The following PCDHGA5 variants were observed in gnomAD, a reference collection of about 807,000 sequenced individuals.
PCDHGA5 encodes the protein protocadherin gamma-A5.
In PCDHGA5, 36 loss-of-function variants were observed where a neutral mutation model predicts 56.7. The ratio of observed to expected loss-of-function variants is 0.64; its 90% CI spans 0.49 to 0.84. The LOEUF is 0.84. Among genes scored for constraint, PCDHGA5 ranks in the 40% least tolerant of loss-of-function variants. PCDHGA5 has a pLI of 0.00. For missense variants in PCDHGA5, 1,305 were observed against 1,201.5 expected, an observed-to-expected ratio of 1.09 and a Z score of -1.27; for synonymous variants, 563 against 520.2, an observed-to-expected ratio of 1.08 and a Z score of -1.12.
At position 141,430,917 on chromosome 5, in the gene PCDHGA5, G is replaced by A. The variant is rs2097324810; in HGVS notation, c.2422-63890G>A. ...GTGGGCGACATCTCCAGGGACCTGG[G>A]GCTGGAGCCCCGGGAGCTCGCGGAG... On this transcript the variant is annotated intron_variant, in intron 1 of 3. Coordinates refer to ENST00000518069, the MANE Select transcript of PCDHGA5 (RefSeq NM_018918.3). The A allele has an allele frequency of 1.9e-6, 3 of 1,607,956 alleles. No individual in the cohort carries two copies. The highest frequency in any genetic ancestry group is 2.5e-6 in the Non-Finnish European group (3 of 1,177,520).
At chr5:141,484,912 T>G (rs1594427765) in intron 1 of PCDHGA5, 1 of 437,066 alleles carries the variant, frequency 2.3e-6, no homozygotes, top group East Asian at 4.0e-5. Flanking sequence ...TGCGACGCAT[T>G]AACCCTGCTG....
intron 1 of PCDHGA5, chr5:141,395,542 TTGTGTGTGTGTGTGTGTG>T (rs55729045): frequency 3.2e-4 from 55 of 172,630 alleles, no homozygotes; most frequent in Middle Eastern, 1.8e-3. Context: ...TTGCTATTGT[TTGTGTGTGTGTGTGTGTG>T]TGTGTGTGTG....
chr5:141,418,244 C>G (rs746986702), intron 1 of PCDHGA5: 1 of 1,613,980 alleles, frequency 6.2e-7, no homozygotes. Flanking sequence ...TGTTAATGAC[C>G]ACGCCCCTCA....
chr5:141,419,831 G>A, intron 1 of PCDHGA5: 5 of 1,614,048 alleles, frequency 3.1e-6, no homozygotes, highest in Non-Finnish European at 4.2e-6. Context: ...TTCAGCCACT[G>A]CCACGCTGCA....
In PCDHGA5 at chr5:141,491,942, C is replaced by A; in HGVS notation, c.2422-2865C>A. The A allele has an allele frequency of 8.9e-7, 1 of 1,122,490 alleles. No individual in the cohort carries two copies. The highest frequency in any genetic ancestry group is 1.2e-6 in the Non-Finnish European group (1 of 824,374). 69.5% of individuals were successfully genotyped at this position (1,122,490 alleles called of 1,614,324 possible). The stretch of plus-strand genomic sequence containing the variant: ...GGCGAGGGGAGGTGGGACCGACCCC[C>A]ACCCCTACACTCAAAAAAGGCCGGG... On this transcript the variant is annotated intron_variant, in intron 1 of 3. Transcript: ENST00000518069. The surrounding 1 kb of genome is among the most constrained non-coding windows in gnomAD (Gnocchi z 6.9).
intron 1 of PCDHGA5, chr5:141,408,651 C>T (rs373860648): frequency 6.2e-7 from 1 of 1,614,012 alleles, no homozygotes; most frequent in Non-Finnish European, 8.5e-7. Flanking sequence ...TCCGCTGGTA[C>T]ACGACTATCG....
At chr5:141,389,160 G>C in intron 1 of PCDHGA5, 4 of 1,613,996 alleles carry the variant, frequency 2.5e-6, no homozygotes, top group Non-Finnish European at 3.4e-6. Flanking sequence ...AACAGATCGG[G>C]GCAAGCCTCC....
rs779391932 is a variant in PCDHGA5, at chr5:141,419,996, C to T, written c.2421+53245C>T. Reference sequence around the variant, plus strand: ...CCTCGCGGTGATTCTAGCTATTGCTCTACGCCTGCGACAGTCTTTCAGCCC... The same window carrying T: ...CCTCGCGGTGATTCTAGCTATTGCTTTACGCCTGCGACAGTCTTTCAGCCC... On this transcript the variant is annotated intron_variant, in intron 1 of 3. Coordinates refer to ENST00000518069, the MANE Select transcript of PCDHGA5 (RefSeq NM_018918.3). 10 of 1,613,966 alleles carry T rather than the reference C, an allele frequency of 6.2e-6. No homozygotes were observed. In the East Asian group the frequency reaches 2.2e-4, roughly 36 times the overall value.
At chr5:141,396,447 C>T (rs1200125693) in intron 1 of PCDHGA5, 2 of 152,068 alleles carry the variant, frequency 1.3e-5, no homozygotes, top group South Asian at 2.1e-4. Flanking sequence ...GGTGAAACCC[C>T]GTCTCTACTA....
At chr5:141,428,070 T>G (rs756684090) in intron 1 of PCDHGA5, 7 of 1,609,106 alleles carry the variant, frequency 4.4e-6, no homozygotes, top group Non-Finnish European at 5.1e-6. Context: ...GGACGCAGAT[T>G]CGGGACACAA....
At chr5:141,425,021 CT>C (rs1561817318) in intron 1 of PCDHGA5, among the ~76,000 whole-genome samples, 1 of 152,054 alleles carries the variant, frequency 6.6e-6, no homozygotes, top group Non-Finnish European at 1.5e-5. Context: ...AGGAATTTAC[CT>C]TATGTCATTA....
intron 1 of PCDHGA5, chr5:141,418,007 C>T: frequency 6.2e-7 from 1 of 1,613,904 alleles, no homozygotes; most frequent in Non-Finnish European, 8.5e-7. Flanking sequence ...GGTGGGGAAC[C>T]TCGCTAAGGA....
chr5:141,393,387 C>T lies in PCDHGA5; in HGVS notation c.2421+26636C>T, dbSNP rs772072669. The stretch of plus-strand genomic sequence containing the variant: ...GACTGGAGACAATGGAGCCATAAAC[C>T]CAGAGCTGGTGCTGGAGCGCGCCCT... On this transcript the variant is annotated intron_variant, in intron 1 of 3. Coordinates refer to ENST00000518069, the MANE Select transcript of PCDHGA5 (RefSeq NM_018918.3). The T allele has an allele frequency of 3.7e-6, 6 of 1,613,972 alleles. No homozygotes were observed. The East Asian group carries it at 1.3e-4, about 36-fold the overall frequency.
At chr5:141,506,103 C>T (rs1001709380) in intron 3 of PCDHGA5, among the ~76,000 whole-genome samples, 2 of 152,144 alleles carry the variant, frequency 1.3e-5, no homozygotes, top group Admixed American at 1.3e-4. Context: ...GTGGTTGTCC[C>T]TGAAGAGTCA....
At chr5:141,370,250 T>C in intron 1 of PCDHGA5, 1 of 693,716 alleles carries the variant, frequency 1.4e-6, no homozygotes. Context: ...GTGCACTCTC[T>C]ATCAGGCTTC....
chr5:141,494,537 G>C (rs2099755111), intron 1 of PCDHGA5, among the ~76,000 whole-genome samples: 1 of 152,168 alleles, frequency 6.6e-6, no homozygotes, highest in Non-Finnish European at 1.5e-5. Flanking sequence ...TGGGGGCAGG[G>C]AGGAAGGGGC....
chr5:141,414,789 C>T, intron 1 of PCDHGA5: 1 of 1,614,218 alleles, frequency 6.2e-7, no homozygotes, highest in East Asian at 2.2e-5. Context: ...AGGTGACAGC[C>T]AGCGACAGCG....
intron 1 of PCDHGA5, chr5:141,422,879 T>A: frequency 6.2e-7 from 1 of 1,614,240 alleles, no homozygotes; most frequent in Non-Finnish European, 8.5e-7. Context: ...TCGCTGAGCC[T>A]GTTCGTGCTG....
chr5:141,413,926 T>C, intron 1 of PCDHGA5: 4 of 1,613,380 alleles, frequency 2.5e-6, no homozygotes, highest in Non-Finnish European at 3.4e-6. Flanking sequence ...CTTGCCAGAA[T>C]ACCGAGTGAG....
Sources: gnomAD v4.1 joint callset for allele counts (sites outside exome capture counted in the v4.1 genomes callset) on GRCh38, gnomAD v4.1.1 for gene constraint, Gnocchi (gnomAD v3.1) non-coding constraint, MANE v1.5 for transcripts, NCBI Gene and HGNC (gene_info 2026-07-23, HGNC 2026-07-21) for gene names.